The following PTPRO variants were observed in gnomAD, a reference collection of about 807,000 sequenced individuals.
PTPRO encodes the protein protein tyrosine phosphatase receptor type O.
In PTPRO, 62 loss-of-function variants were observed where a neutral mutation model predicts 145.2. The ratio of observed to expected loss-of-function variants is 0.43; its 90% CI spans 0.35 to 0.53. PTPRO has a LOEUF of 0.53. Ranked by LOEUF, PTPRO falls within the 20% of genes least tolerant of loss-of-function variation. The pLI is 0.01. For missense variants in PTPRO, 1,345 were observed against 1,482.7 expected, an observed-to-expected ratio of 0.91 and a Z score of 1.53; for synonymous variants, 565 against 514.7, an observed-to-expected ratio of 1.10 and a Z score of -1.32.
chr12:15,408,647 T>C (rs1339939600), intron 1 of PTPRO, among the ~76,000 whole-genome samples: 13 of 152,222 alleles, frequency 8.5e-5, no homozygotes, highest in African/African-American at 3.1e-4. Flanking sequence ...AGGCTGGTCT[T>C]GAACTCCTGA....
chr12:15,519,554 C>T lies in PTPRO; in HGVS notation c.1780-647C>T, dbSNP rs143995749. 4.2e-3 allele frequency among the ~76,000 whole-genome samples: 645 copies of T among 152,300 alleles called. 5 individuals carry two copies. The highest frequency in any genetic ancestry group is 5.3e-3 in the Non-Finnish European group (358 of 68,028). On this transcript the variant is annotated intron_variant, in intron 9 of 26. Coordinates refer to ENST00000281171, the MANE Select transcript of PTPRO (RefSeq NM_030667.3). ...GAGCAATCAAGTGCTTACTGCTTCT[C>T]CTGGATCCTGGGGAGGAACACAAAG...
intron 16 of PTPRO, among the ~76,000 whole-genome samples, chr12:15,557,853 C>G (rs145193414): frequency 1.0e-3 from 157 of 152,204 alleles, no homozygotes; most frequent in Middle Eastern, 6.8e-3. Context: ...GCTAAAGGCA[C>G]GAGAAGAGAT....
At chr12:15,443,848 G>A (rs967500939) in intron 1 of PTPRO, among the ~76,000 whole-genome samples, 8 of 152,146 alleles carry the variant, frequency 5.3e-5, no homozygotes, top group Admixed American at 2.0e-4. Flanking sequence ...AGATGTTGGC[G>A]AGGCTGTGGA....
At chr12:15,414,358 A>G (rs1444769923) in intron 1 of PTPRO, among the ~76,000 whole-genome samples, 1 of 152,224 alleles carries the variant, frequency 6.6e-6, no homozygotes, top group African/African-American at 2.4e-5. Context: ...AGCATTCCAG[A>G]AGCATTCAAG....
intron 1 of PTPRO, chr12:15,439,850 A>G (rs940274515): frequency 4.8e-6 from 3 of 626,068 alleles, no homozygotes; most frequent in Admixed American, 2.2e-5. Flanking sequence ...TTTGAAGATT[A>G]TGATGGTGCA....
chr12:15,400,608 T>G lies in PTPRO; in HGVS notation c.75+77807T>G, dbSNP rs74069053. Among the ~76,000 whole-genome samples the G allele has an allele frequency of 2.4e-3, 360 of 152,342 alleles. 3 individuals carry two copies. The highest frequency in any genetic ancestry group is 8.3e-3 in the African/African-American group (346 of 41,576). On this transcript the variant is annotated intron_variant, in intron 1 of 26. Transcript: ENST00000281171. ...CCTCCAACTGAGGCACCTTGCATCATGACAGGCTTTCATCATATTCTATAC... is the reference window on the plus strand; with the variant it reads ...CCTCCAACTGAGGCACCTTGCATCAGGACAGGCTTTCATCATATTCTATAC...
rs760993815 is a variant in PTPRO, at chr12:15,501,650, G to C, written c.692G>C (p.Arg231Pro). The C allele has an allele frequency of 6.2e-7, 1 of 1,613,642 alleles. No homozygotes were observed. Among genetic ancestry groups the C allele is most frequent in the Non-Finnish European group, 8.5e-7 (1 of 1,179,848 alleles). ...TATCCACCTCAAAATATTTCCGTTCGTATCGTAAACTTGAACAAAAACAAC... is the reference window on the plus strand; with the variant it reads ...TATCCACCTCAAAATATTTCCGTTCCTATCGTAAACTTGAACAAAAACAAC... ...APYPPQNISV[R>P]IVNLNKNNWE... Residue 231 changes from arginine to proline, a missense_variant, in exon 5 of 27, where the codon CGT becomes CCT. This residue lies in a region of PTPRO where 1,130 missense variants were observed against 1,214.7 expected (regional missense o/e 0.93). Coordinates refer to ENST00000281171, the MANE Select transcript of PTPRO (RefSeq NM_030667.3).
intron 1 of PTPRO, among the ~76,000 whole-genome samples, chr12:15,371,990 T>G (rs1005928362): frequency 6.6e-6 from 1 of 152,180 alleles, no homozygotes; most frequent in East Asian, 1.9e-4. Context: ...CTTTCCTATA[T>G]AAATTGCCCA....
intron 12 of PTPRO, among the ~76,000 whole-genome samples, chr12:15,537,883 G>C (rs565264402): frequency 6.6e-6 from 1 of 152,280 alleles, no homozygotes; most frequent in South Asian, 2.1e-4. Flanking sequence ...CAGACAAACA[G>C]ACAGTATGGG....
chr12:15,340,704 T>C (rs1025735851), intron 1 of PTPRO, among the ~76,000 whole-genome samples: 5 of 152,150 alleles, frequency 3.3e-5, no homozygotes, highest in African/African-American at 1.2e-4. Flanking sequence ...AATCTGGAGC[T>C]TTTATGGTCA....
rs151315188 is a variant in PTPRO at position 15,451,068 on chromosome 12, G to A, written c.76-32906G>A. On this transcript the variant is annotated intron_variant, in intron 1 of 26. Coordinates refer to ENST00000281171, the MANE Select transcript of PTPRO (RefSeq NM_030667.3). ...GAATGGATAAGAATTCACCAACCAA[G>A]TATCTGCTGCCTTCAAGAGACTCAC... Among the ~76,000 whole-genome samples, 735 of 152,134 alleles carry A rather than the reference G, an allele frequency of 4.8e-3. 5 individuals are homozygous for A. Among genetic ancestry groups the A allele is most frequent in the Non-Finnish European group, 6.9e-3 (470 of 67,994 alleles).
Position 15,353,300 on chromosome 12 carries a change from A to G in PTPRO, c.75+30499A>G, listed in dbSNP as rs1444312031. 2.6e-5 allele frequency among the ~76,000 whole-genome samples: 4 copies of G among 152,286 alleles called. No homozygotes were observed. In the South Asian group the frequency reaches 6.2e-4, roughly 24 times the overall value. On this transcript the variant is annotated intron_variant, in intron 1 of 26. Coordinates refer to ENST00000281171, the MANE Select transcript of PTPRO (RefSeq NM_030667.3). ...TTAAAGATAAAAATTAAAAAGATGA[A>G]CTTGTTTTTCAACATATCATCAAGT...
At chr12:15,524,773 C>T (rs1210269220) in intron 10 of PTPRO, 41 bp from the exon 11 acceptor site, 8 of 1,575,826 alleles carry the variant, frequency 5.1e-6, no homozygotes, top group Non-Finnish European at 7.0e-6. Flanking sequence ...CTTTATTTAT[C>T]CATCTATTAT....
chr12:15,373,319 T>A (rs778801350), intron 1 of PTPRO, among the ~76,000 whole-genome samples: 2 of 152,170 alleles, frequency 1.3e-5, no homozygotes, highest in Non-Finnish European at 2.9e-5. Flanking sequence ...CAAAGCAATT[T>A]GGGTGCTAAG....
chr12:15,561,400 A>T (rs1470901266), intron 17 of PTPRO, among the ~76,000 whole-genome samples: 1 of 152,158 alleles, frequency 6.6e-6, no homozygotes, highest in African/African-American at 2.4e-5. Flanking sequence ...TGGAAGGAAC[A>T]TAAAAAAGGA....
intron 6 of PTPRO, among the ~76,000 whole-genome samples, chr12:15,507,450 T>TAAATAAATAAATAAATAAC (rs141407524): frequency 1.3e-4 from 19 of 148,280 alleles, no homozygotes; most frequent in East Asian, 9.9e-4. Flanking sequence ...AATAAATAAA[T>TAAATAAATAAATAAATAAC]AAGGAATGAA....
intron 1 of PTPRO, among the ~76,000 whole-genome samples, chr12:15,422,983 T>G (rs562646610): frequency 6.6e-6 from 1 of 152,216 alleles, no homozygotes; most frequent in Non-Finnish European, 1.5e-5. Flanking sequence ...TTTTAAAAAG[T>G]TATGATCATG....
intron 12 of PTPRO, among the ~76,000 whole-genome samples, chr12:15,541,911 C>T (rs1943188473): frequency 6.6e-6 from 1 of 151,968 alleles, no homozygotes; most frequent in Non-Finnish European, 1.5e-5. Context: ...ACTCAGGAGG[C>T]TGAGTGGGAG....
intron 1 of PTPRO, among the ~76,000 whole-genome samples, chr12:15,419,745 T>C (rs1026922753): frequency 3.3e-5 from 5 of 151,354 alleles, no homozygotes; most frequent in Admixed American, 6.6e-5. Flanking sequence ...GTTTTTTTTT[T>C]CCCAGAGAAA....
Sources: gnomAD v4.1 joint callset for allele counts (sites outside exome capture counted in the v4.1 genomes callset) on GRCh38, gnomAD v4.1.1 for gene constraint, gnomAD v4.1.1 regional missense constraint, MANE v1.5 for transcripts, NCBI Gene and HGNC (gene_info 2026-07-23, HGNC 2026-07-21) for gene names.